The following GALK2 variants were observed in gnomAD, a reference collection of about 807,000 sequenced individuals.
GALK2 encodes the protein galactokinase 2.
A neutral mutation model predicts 52.4 loss-of-function variants in GALK2; 36 were observed. The observed-to-expected ratio is 0.69, with a 90% CI of 0.53 to 0.91. The LOEUF is 0.91. Ranked by LOEUF, GALK2 falls within the 40% of genes least tolerant of loss-of-function variation. GALK2 has a pLI of 0.00. For synonymous variants in GALK2, 176 were observed against 199.1 expected (o/e 0.88, Z 0.98); for missense variants, 579 against 559.1 (o/e 1.04, Z -0.36).
chr15:49,209,808 G>A (rs1272220363), intron 2 of GALK2, among the ~76,000 whole-genome samples: 1 of 152,044 alleles, frequency 6.6e-6, no homozygotes, highest in African/African-American at 2.4e-5. Flanking sequence ...TTTCTGTTGT[G>A]TCCTTGTTCA....
intron 8 of GALK2, among the ~76,000 whole-genome samples, chr15:49,293,598 A>G (rs1407992902): frequency 6.6e-6 from 1 of 152,246 alleles, no homozygotes; most frequent in Non-Finnish European, 1.5e-5. Flanking sequence ...TTCTTTGCAG[A>G]AAATGTTTGC....
chr15:49,271,283 A>C (rs2030553876), intron 5 of GALK2, among the ~76,000 whole-genome samples: 1 of 152,130 alleles, frequency 6.6e-6, no homozygotes, highest in African/African-American at 2.4e-5. Context: ...TTCCCCAACA[A>C]CTTTTTTTTA....
At chr15:49,335,404 A>G (rs369412489), downstream of GALK2, 3 of 1,534,630 alleles carry the variant, frequency 2.0e-6, no homozygotes, top group Non-Finnish European at 2.7e-6. Flanking sequence ...TAACAATAGT[A>G]TAGCATCAAC....
chr15:49,288,505 G>T (rs1167617970), intron 7 of GALK2, among the ~76,000 whole-genome samples: 4 of 152,162 alleles, frequency 2.6e-5, no homozygotes, highest in African/African-American at 9.7e-5. Context: ...AGAATGGGAG[G>T]AGAAGTTGGC....
intron 8 of GALK2, among the ~76,000 whole-genome samples, chr15:49,305,555 A>G (rs1327836398): frequency 2.0e-5 from 3 of 152,200 alleles, no homozygotes; most frequent in Non-Finnish European, 4.4e-5. Context: ...AAGACCAGAG[A>G]CCACCTACAT....
At position 49,253,149 on chromosome 15, in the gene GALK2, A is replaced by G. The variant is rs2091679858; in HGVS notation, c.504+13782A>G. Among the ~76,000 whole-genome samples the G allele has an allele frequency of 2.8e-5, 4 of 145,174 alleles. 2 individuals are homozygous for G. Among genetic ancestry groups the G allele is most frequent in the Admixed American group, 1.4e-4 (2 of 14,422 alleles). On this transcript the variant is annotated intron_variant, in intron 5 of 9. Transcript: ENST00000560031. ...TTGTGAAGCAAAAGTCACTTTAGTC[A>G]TATTTAATCACATATAGCATAGGAT... is the stretch of plus-strand genomic sequence containing the variant.
intron 8 of GALK2, among the ~76,000 whole-genome samples, chr15:49,316,817 C>T (rs2036460062): frequency 6.6e-6 from 1 of 152,090 alleles, no homozygotes; most frequent in African/African-American, 2.4e-5. Context: ...AAGACACTGC[C>T]AGCTCTAAAT....
At chr15:49,204,323 T>C (rs1056194765) in intron 2 of GALK2, among the ~76,000 whole-genome samples, 28 of 151,832 alleles carry the variant, frequency 1.8e-4, no homozygotes, top group Non-Finnish European at 1.6e-4. Flanking sequence ...AGGATTGCTT[T>C]GGTTTTTTGG....
intron 9 of GALK2, among the ~76,000 whole-genome samples, chr15:49,323,614 C>A (rs1037142621): frequency 2.0e-5 from 3 of 152,062 alleles, no homozygotes; most frequent in African/African-American, 7.2e-5. Flanking sequence ...AGTTGCTATA[C>A]ACAAGCAGAA....
rs1398885112 is a variant in GALK2 at position 49,330,573 on chromosome 15, G to A, written c.*2414G>A. The A allele has an allele frequency of 3.3e-5, 5 of 152,094 alleles. No individual in the cohort carries two copies. Among genetic ancestry groups the A allele is most frequent in the Admixed American group, 6.5e-5 (1 of 15,268 alleles). The allele number at this position is 152,094 out of a possible 1,614,324, so 9.4% of individuals were successfully genotyped here. ...TAGATGAGGCATGGCTATCCAGTGC[G>A]CTACAGTTTCCACAACTGCTTGTAT... On this transcript the variant is annotated 3_prime_UTR_variant, in exon 10 of 10. Transcript: ENST00000560031.
chr15:49,283,201 C>T (rs1484455533), intron 6 of GALK2, among the ~76,000 whole-genome samples: 1 of 152,164 alleles, frequency 6.6e-6, no homozygotes, highest in Non-Finnish European at 1.5e-5. Context: ...TCTTTTAGAA[C>T]TCAGTTTAGA....
chr15:49,159,381 G>C (rs2084567207), intron 1 of GALK2, among the ~76,000 whole-genome samples: 1 of 152,068 alleles, frequency 6.6e-6, no homozygotes, highest in Admixed American at 6.5e-5. Context: ...TTTGAGACCA[G>C]CCTGGCCAGC....
At chr15:49,319,292 T>C (rs1346940464) in intron 8 of GALK2, among the ~76,000 whole-genome samples, 2 of 152,094 alleles carry the variant, frequency 1.3e-5, no homozygotes, top group African/African-American at 4.8e-5. Context: ...GCATGTAGGG[T>C]GTACTCATTA....
chr15:49,242,284 A>G (rs1448793160), intron 5 of GALK2, among the ~76,000 whole-genome samples: 1 of 152,184 alleles, frequency 6.6e-6, no homozygotes, highest in Non-Finnish European at 1.5e-5. Flanking sequence ...AGGTCAAGGG[A>G]ACTAACTAGG....
chr15:49,351,387 C>A (rs1190270094), intron 3 of GALK2, among the ~76,000 whole-genome samples: 3 of 152,194 alleles, frequency 2.0e-5, no homozygotes, highest in Non-Finnish European at 2.9e-5. Flanking sequence ...AACTCTGGAG[C>A]ATGCAACTCC....
intron 1 of GALK2, chr15:49,195,065 A>T (rs1378622007): frequency 2.2e-6 from 1 of 449,924 alleles, no homozygotes; most frequent in Non-Finnish European, 4.5e-6. Flanking sequence ...TTCATTTCTT[A>T]TTTTTTTATT....
chr15:49,206,995 A>G (rs1282888115), intron 2 of GALK2, among the ~76,000 whole-genome samples: 3 of 152,158 alleles, frequency 2.0e-5, no homozygotes, highest in Non-Finnish European at 2.9e-5. Flanking sequence ...GGCTTTTATT[A>G]CATTGAGGTA....
intron 8 of GALK2, among the ~76,000 whole-genome samples, chr15:49,303,899 T>C (rs2035327733): frequency 6.6e-6 from 1 of 152,240 alleles, no homozygotes; most frequent in South Asian, 2.1e-4. Context: ...AATATATGTA[T>C]TTAAGTCTAA....
chr15:49,223,256 T>C (rs2089932972), intron 3 of GALK2: 1 of 152,170 alleles, frequency 6.6e-6, no homozygotes. Flanking sequence ...TCTGATTTTG[T>C]TTATTTGGGT....
Sources: allele counts gnomAD v4.1 joint callset (sites outside exome capture counted in the v4.1 genomes callset), GRCh38; gene constraint gnomAD v4.1.1; transcripts MANE v1.5; gene names NCBI Gene and HGNC (gene_info 2026-07-23, HGNC 2026-07-21).